The following ME3 variants were observed in gnomAD, a reference collection of about 807,000 sequenced individuals.
ME3 encodes NADP-dependent malic enzyme, mitochondrial.
A neutral mutation model predicts 68.9 loss-of-function variants in ME3; 48 were observed. That is an observed-to-expected ratio of 0.70 (90% confidence interval 0.55 to 0.89). The LOEUF is 0.89. ME3 is among the 40% of genes least tolerant of loss of function. The probability of loss-of-function intolerance (pLI) is 0.00; values close to 1 mark genes in which losing one functional copy is unlikely to be tolerated. For synonymous variants in ME3, 320 were observed against 318.8 expected, an observed-to-expected ratio of 1.00 and a Z score of -0.04; for missense variants, 675 against 797.4, an observed-to-expected ratio of 0.85 and a Z score of 1.85.
chr11:86,492,305 G>A (rs1050238184), intron 6 of ME3, among the ~76,000 whole-genome samples: 1 of 152,252 alleles, frequency 6.6e-6, no homozygotes, highest in Admixed American at 6.5e-5. Context: ...TGATTGCAGA[G>A]TCCTGGGACT....
chr11:86,441,273 A>T, exon 15 of ME3: 1 of 1,574,178 alleles, frequency 6.4e-7, no homozygotes, highest in South Asian at 1.2e-5. Context: ...AGCCTCTGAG[A>T]CTGCCTCAGA....
rs145529080 is a variant in ME3 at position 86,628,285 on chromosome 11, A to C, written c.183+43477T>G. On this transcript the variant is annotated intron_variant, in intron 2 of 14. Transcript: ENST00000543262. ...AGCTCCCTTGCCTGCCGCCATCTCC[A>C]GCCTCCTCCCAATACTTCGGGAGCC... 2.9e-3 allele frequency among the ~76,000 whole-genome samples: 447 copies of C among 152,286 alleles called. 2 individuals carry two copies. Among genetic ancestry groups the C allele is most frequent in the Middle Eastern group, 0.014 (4 of 294 alleles).
At chr11:86,445,120 T>C (rs1949213046) in intron 13 of ME3, among the ~76,000 whole-genome samples, 1 of 152,196 alleles carries the variant, frequency 6.6e-6, no homozygotes, top group East Asian at 1.9e-4. Flanking sequence ...AAAGTGACTC[T>C]TTCCATCCAA....
chr11:86,546,152 A>T (rs989149901), intron 4 of ME3, among the ~76,000 whole-genome samples: 1 of 152,224 alleles, frequency 6.6e-6, no homozygotes, highest in African/African-American at 2.4e-5. Context: ...TACACCTTAT[A>T]CAAAAATTTA....
At chr11:86,633,596 G>A (rs1944149173) in intron 2 of ME3, among the ~76,000 whole-genome samples, 1 of 152,214 alleles carries the variant, frequency 6.6e-6, no homozygotes, top group Admixed American at 6.5e-5. Context: ...ATTGGTATGA[G>A]AAGGGTGGTT....
intron 4 of ME3, among the ~76,000 whole-genome samples, chr11:86,553,864 T>C (rs1275900206): frequency 6.6e-6 from 1 of 152,264 alleles, no homozygotes; most frequent in Non-Finnish European, 1.5e-5. Context: ...CCACCAGCTG[T>C]GCACAGTCCG....
intron 4 of ME3, among the ~76,000 whole-genome samples, chr11:86,534,667 T>C (rs981177794): frequency 3.3e-5 from 5 of 152,108 alleles, no homozygotes; most frequent in African/African-American, 1.2e-4. Flanking sequence ...AGAGCAAGAC[T>C]ATATCTCAAA....
chr11:86,436,012 A>G, the ME3 span: 1 of 152,148 alleles, frequency 6.6e-6, no homozygotes, highest in African/African-American at 2.4e-5. Flanking sequence ...AGTGTTTCAG[A>G]CCCAAGGCAG....
intron 7 of ME3, among the ~76,000 whole-genome samples, 161 bp from the exon 8 acceptor site, chr11:86,465,361 G>C (rs1415891986): frequency 6.6e-6 from 1 of 152,134 alleles, no homozygotes; most frequent in Non-Finnish European, 1.5e-5. Context: ...CTGGACTCCT[G>C]GGCTTGGAGC....
chr11:86,531,981 A>C (rs1415123199), intron 4 of ME3, among the ~76,000 whole-genome samples: 2 of 103,440 alleles, frequency 1.9e-5, no homozygotes, highest in African/African-American at 3.6e-5. Flanking sequence ...TATAATTAAA[A>C]AAAACCAAAC....
At chr11:86,448,128 T>C (rs1949425033) in intron 11 of ME3, 22 bp downstream of exon 11, 1 of 1,547,782 alleles carries the variant, frequency 6.5e-7, no homozygotes, top group Non-Finnish European at 8.9e-7. Flanking sequence ...GGCTGGGTAG[T>C]GGGTACCCTC....
At chr11:86,574,398 G>T (rs1565159076) in intron 2 of ME3, among the ~76,000 whole-genome samples, 1 of 32,968 alleles carries the variant, frequency 3.0e-5, no homozygotes, top group African/African-American at 1.1e-4. Flanking sequence ...ATTTGTTGCC[G>T]GGGGGGGGGG....
chr11:86,441,127 T>C, exon 15 of ME3: 3 of 679,860 alleles, frequency 4.4e-6, no homozygotes, highest in Non-Finnish European at 6.4e-6. Flanking sequence ...AAGGCTTTTA[T>C]TCACTGTATG....
At chr11:86,649,533 T>G (rs190316781) in intron 2 of ME3, among the ~76,000 whole-genome samples, 121 of 152,338 alleles carry the variant, frequency 7.9e-4, no homozygotes, top group African/African-American at 2.9e-3. Context: ...TGTCTCTGTT[T>G]GCAGATGACA....
At chr11:86,512,041 C>T (rs1372635850) in intron 4 of ME3, among the ~76,000 whole-genome samples, 3 of 152,184 alleles carry the variant, frequency 2.0e-5, no homozygotes, top group Non-Finnish European at 2.9e-5. Context: ...TCCCTAGCCT[C>T]TGAGTTCTCA....
intron 5 of ME3, among the ~76,000 whole-genome samples, chr11:86,499,482 A>G (rs928168449): frequency 6.6e-6 from 1 of 152,178 alleles, no homozygotes; most frequent in Non-Finnish European, 1.5e-5. Flanking sequence ...TATGAACACC[A>G]TAGGGTTTGG....
chr11:86,640,811 T>C (rs1944619622), intron 2 of ME3, among the ~76,000 whole-genome samples: 1 of 152,164 alleles, frequency 6.6e-6, no homozygotes, highest in East Asian at 1.9e-4. Flanking sequence ...TTCAGTTTCT[T>C]TTCTCTCCTC....
At chr11:86,556,426 CTT>C in intron 4 of ME3, 125 bp downstream of exon 4, 3 of 1,170,716 alleles carry the variant, frequency 2.6e-6, no homozygotes, top group South Asian at 1.8e-5. Flanking sequence ...AATCAAATGT[CTT>C]TTTGTTGGAC....
chr11:86,561,702 C>T (rs915445947), intron 2 of ME3, among the ~76,000 whole-genome samples: 5 of 152,174 alleles, frequency 3.3e-5, no homozygotes, highest in African/African-American at 1.2e-4. Flanking sequence ...AAATGGTTAA[C>T]CTGTACCACT....
Sources: allele counts gnomAD v4.1 joint callset (sites outside exome capture counted in the v4.1 genomes callset), GRCh38; gene constraint gnomAD v4.1.1; transcripts MANE v1.5; gene names NCBI Gene and HGNC (gene_info 2026-07-23, HGNC 2026-07-21).